Variants in KRT73 observed in about 807,000 individuals in gnomAD.
KRT73 encodes the protein keratin, type II cytoskeletal 73.
A neutral mutation model predicts 47.2 loss-of-function variants in KRT73; 44 were observed. The ratio of observed to expected loss-of-function variants is 0.93; its 90% CI spans 0.73 to 1.20. KRT73 has a LOEUF of 1.20. KRT73 is among the 50% of genes most tolerant of loss of function. KRT73 has a pLI of 0.00. For synonymous variants in KRT73, 285 were observed against 291.3 expected (o/e 0.98, Z 0.22); for missense variants, 713 against 704.5 (o/e 1.01, Z -0.14).
At chr12:52,622,466 T>C (rs2120895817), upstream of KRT73, among the ~76,000 whole-genome samples, 1 of 152,144 alleles carries the variant, frequency 6.6e-6, no homozygotes, top group Middle Eastern at 3.4e-3. Flanking sequence ...AATAACCAAC[T>C]CTGGGAGAGC....
chr12:52,620,721 C>T (rs1411370720), upstream of KRT73, among the ~76,000 whole-genome samples: 1 of 152,182 alleles, frequency 6.6e-6, no homozygotes, highest in Non-Finnish European at 1.5e-5. Flanking sequence ...CTGGCCTTCT[C>T]ATCTTGTGAA....
At position 52,618,062 on chromosome 12, in the gene KRT73, C is replaced by T. The variant is rs959226761; in HGVS notation, c.447+16G>A. 53 of 1,611,926 alleles carry T rather than the reference C, an allele frequency of 3.3e-5. No homozygotes were observed. In the East Asian group the frequency reaches 1.2e-3, roughly 35 times the overall value. On this transcript the variant is annotated intron_variant, in intron 1 of 8. Coordinates refer to ENST00000305748, the MANE Select transcript of KRT73 (RefSeq NM_175068.3). ...AAAAGGGGAGCCCAAGATCAGCTTT[C>T]TCCAGAAAGACCCACCTTGTCAATG...
At chr12:52,622,497 G>A (rs556686586), upstream of KRT73, among the ~76,000 whole-genome samples, 1 of 152,252 alleles carries the variant, frequency 6.6e-6, no homozygotes, top group South Asian at 2.1e-4. Flanking sequence ...GCAACTGGGG[G>A]CAGAAGAAGG....
rs1165765490 is a variant in KRT73 at position 52,618,084 on chromosome 12, A to G, written c.441T>C (p.Ile147=). 6.2e-7 allele frequency: 1 copy of G among 1,613,588 alleles called. No individual in the cohort carries two copies. Among genetic ancestry groups the G allele is most frequent in the Non-Finnish European group, 8.5e-7 (1 of 1,179,836 alleles). The change falls in exon 1 of 9, where the codon ATT becomes ATC. Residue 147 remains isoleucine, a synonymous_variant. Transcript: ENST00000305748. The part of the protein sequence containing the change: ...KVLNNKFASF[I]DKVRFLEQQN... ...TTTCTCCAGAAAGACCCACCTTGTC[A>G]ATGAAGGAGGCGAACTTGTTGTTCA...
At chr12:52,615,701 T>C (rs897308496) in intron 2 of KRT73, among the ~76,000 whole-genome samples, 2 of 152,064 alleles carry the variant, frequency 1.3e-5, no homozygotes, top group Non-Finnish European at 2.9e-5. Flanking sequence ...CTCCCCTCCA[T>C]CCCTAGGCAG....
chr12:52,608,135 A>G lies in KRT73; in HGVS notation c.*61T>C. On this transcript the variant is annotated 3_prime_UTR_variant, in exon 9 of 9. Transcript: ENST00000305748. ...AAATGAGACAGAGGAATTTCCTAGA[A>G]GAGTCCGGAGCAGTCTGCCAGGGCA... 1.3e-6 allele frequency: 2 copies of G among 1,522,514 alleles called. No homozygotes were observed. Among genetic ancestry groups the G allele is most frequent in the Non-Finnish European group, 1.8e-6 (2 of 1,128,050 alleles). The allele number at this position is 1,522,514 out of a possible 1,614,324, so 94.3% of individuals were successfully genotyped here. A position where few individuals can be genotyped will look rare whatever the true frequency, so the allele number is the denominator to read the frequency against.
At chr12:52,628,998 G>A in the KRT73 span, among the ~76,000 whole-genome samples, 1 of 152,134 alleles carries the variant, frequency 6.6e-6, no homozygotes, top group Admixed American at 6.5e-5. Context: ...CATTAAACTT[G>A]ACTCCTCATC....
chr12:52,614,541 A>T, intron 4 of KRT73, 38 bp downstream of exon 4: 1 of 1,545,706 alleles, frequency 6.5e-7, no homozygotes, highest in African/African-American at 1.4e-5. Context: ...CTGTCCTTCC[A>T]GAAGACAGAG....
intron 8 of KRT73, 45 bp from the exon 9 acceptor site, chr12:52,608,497 A>G (rs375094724): frequency 1.3e-6 from 2 of 1,517,738 alleles, no homozygotes; most frequent in Admixed American, 2.0e-5. Context: ...ATCCCAGGAC[A>G]GAGGTGGCCT....
rs150852133 is a variant in KRT73 at position 52,608,416 on chromosome 12, G to C, written c.1403C>G (p.Thr468Arg). 2.5e-3 allele frequency: 4,017 copies of C among 1,611,994 alleles called. 17 individuals carry two copies. The highest frequency in any genetic ancestry group is 6.2e-3 in the Middle Eastern group (30 of 4,824). Residue 468 changes from threonine to arginine, a missense_variant, in exon 9 of 9, where the codon ACA becomes AGA. Thr to Arg is a moderately conservative substitution (Grantham distance 71). Transcript: ENST00000305748. ...INSSMAGMAG[T>R]GAGFGFSNAG... Reference sequence around the variant, plus strand: ...ATTGCTGAATCCAAAGCCAGCCCCTGTGCCTGCCATCCCGGCCATGGAGCT... The same window carrying C: ...ATTGCTGAATCCAAAGCCAGCCCCTCTGCCTGCCATCCCGGCCATGGAGCT...
chr12:52,617,336 T>C (rs1437353828), intron 1 of KRT73, among the ~76,000 whole-genome samples: 1 of 152,190 alleles, frequency 6.6e-6, no homozygotes, highest in East Asian at 1.9e-4. Flanking sequence ...TACATCAGCA[T>C]CACCTGGAGA....
At position 52,608,248 on chromosome 12, in the gene KRT73, G is replaced by T. The variant is rs769635101; in HGVS notation, c.1571C>A (p.Ser524Tyr). Residue 524 changes from serine to tyrosine, a missense_variant, in exon 9 of 9, where the codon TCC becomes TAC. Transcript: ENST00000305748. ...RLGSASEFRDSQGKTLALSSP... is the reference protein window; with the variant it reads ...RLGSASEFRDYQGKTLALSSP... ...GCTTAGAGCTAAGGTCTTTCCCTGG[G>T]AGTCCCTGAATTCACTTGCACTCCC... 6.2e-7 allele frequency: 1 copy of T among 1,613,830 alleles called. No individual in the cohort carries two copies. Among genetic ancestry groups the T allele is most frequent in the African/African-American group, 1.3e-5 (1 of 74,900 alleles).
rs774588852 is a variant in KRT73, at chr12:52,616,257, G to T, written c.571C>A (p.Arg191=). 2.5e-6 allele frequency: 4 copies of T among 1,614,164 alleles called. No individual in the cohort carries two copies. Among genetic ancestry groups the T allele is most frequent in the East Asian group, 2.2e-5 (1 of 44,878 alleles). ...CCAGACAGCGTCTCCAGCTGCTTCC[G>T]CAGGTTGCTGATGTAGCCCTCAAGG... ...PILEGYISNL[R]KQLETLSGDR... is the part of the protein sequence containing the mutation. The change falls in exon 2 of 9, where the codon CGG becomes AGG. Residue 191 remains arginine, a synonymous_variant. Transcript: ENST00000305748.
At chr12:52,629,101 C>G in the KRT73 span, among the ~76,000 whole-genome samples, 1 of 152,202 alleles carries the variant, frequency 6.6e-6, no homozygotes, top group Non-Finnish European at 1.5e-5. Context: ...GGACACGAAC[C>G]TGGATGCTGC....
rs1225592446 is a variant in KRT73, at chr12:52,618,147, C to G, written c.378G>C (p.Gln126His). ...PLNVELDPEI[Q>H]KVRAQEREQI... ...GCTCCCGCTCCTGGGCACGCACTTT[C>G]TGGATTTCAGGGTCCAGCTCCACGT... The change falls in exon 1 of 9, where the codon CAG (glutamine) becomes CAC (histidine). Residue 126 changes from glutamine to histidine, a missense_variant. Coordinates refer to ENST00000305748, the MANE Select transcript of KRT73 (RefSeq NM_175068.3). The G allele has an allele frequency of 1.2e-6, 2 of 1,613,970 alleles. No homozygotes were observed. Among genetic ancestry groups the G allele is most frequent in the Non-Finnish European group, 1.7e-6 (2 of 1,179,936 alleles).
Position 52,608,458 on chromosome 12 carries a change from G to A in KRT73, c.1367-6C>T, listed in dbSNP as rs894497221. 1 of 1,604,468 alleles carries A rather than the reference G, an allele frequency of 6.2e-7. No individual in the cohort carries two copies. The highest frequency in any genetic ancestry group is 1.7e-5 in the Admixed American group (1 of 59,752). On this transcript the variant is annotated splice_polypyrimidine_tract_variant and splice_region_variant and intron_variant, in intron 8 of 8. Transcript: ENST00000305748. ...CATGGAGCTGTTGATGACCGCTGCA[G>A]AGGAGGGAGGGACGAGTGATCAGTG...
Position 52,613,669 on chromosome 12 carries a change from G to T in KRT73, c.984+19C>A. 1 of 1,613,702 alleles carries T rather than the reference G, an allele frequency of 6.2e-7. No homozygotes were observed. Reference sequence around the variant, plus strand: ...AGAGGGCCCTGCATACTTCACTATGGGGAGTTTTGCGGCCTCACCTTGGTC... The same window carrying T: ...AGAGGGCCCTGCATACTTCACTATGTGGAGTTTTGCGGCCTCACCTTGGTC... On this transcript the variant is annotated intron_variant, in intron 5 of 8. Coordinates refer to ENST00000305748, the MANE Select transcript of KRT73 (RefSeq NM_175068.3).
Position 52,608,106 on chromosome 12 carries a change from G to A in KRT73, c.*90C>T. On this transcript the variant is annotated 3_prime_UTR_variant, in exon 9 of 9. Coordinates refer to ENST00000305748, the MANE Select transcript of KRT73 (RefSeq NM_175068.3). ...GCAAAGCAAAGCAAGAAGGAGATGA[G>A]GACAAATGAGACAGAGGAATTTCCT... 1.4e-6 allele frequency: 2 copies of A among 1,394,608 alleles called. No homozygotes were observed. The highest frequency in any genetic ancestry group is 2.0e-6 in the Non-Finnish European group (2 of 1,021,200). 86.4% of individuals were successfully genotyped at this position (1,394,608 alleles called of 1,614,324 possible).
At chr12:52,615,193 CG>C (rs1198471947) in intron 3 of KRT73, 85 bp downstream of exon 3, 2 of 1,187,186 alleles carry the variant, frequency 1.7e-6, no homozygotes, top group Non-Finnish European at 1.2e-6. Flanking sequence ...GGCCCTTCTG[CG>C]GGGGGCTCAG....
Sources: allele counts gnomAD v4.1 joint callset (sites outside exome capture counted in the v4.1 genomes callset), GRCh38; gene constraint gnomAD v4.1.1; transcripts MANE v1.5; gene names NCBI Gene and HGNC (gene_info 2026-07-23, HGNC 2026-07-21).